CHST4: variants seen among roughly 807,000 people sequenced by gnomAD.
CHST4 encodes GST-3.
For synonymous variants in CHST4, 171 were observed against 195.5 expected (o/e 0.87, Z 1.05); for missense variants, 466 against 506.0 (o/e 0.92, Z 0.76).
chr16:71,531,234 C>G (rs796066755), intron 1 of CHST4, among the ~76,000 whole-genome samples: 1 of 152,152 alleles, frequency 6.6e-6, no homozygotes, highest in Non-Finnish European at 1.5e-5. Context: ...ATTGAAGAGT[C>G]TCCTTCCATG....
intron 1 of CHST4, among the ~76,000 whole-genome samples, chr16:71,532,585 G>A (rs2043956838): frequency 6.6e-6 from 1 of 152,120 alleles, no homozygotes; most frequent in Admixed American, 6.6e-5. Flanking sequence ...AAGGTTCAGG[G>A]GACTTCCAAG....
rs1011092943 is a variant in CHST4 at position 71,538,041 on chromosome 16, G to A, written c.*203G>A. On this transcript the variant is annotated 3_prime_UTR_variant, in exon 2 of 2. Transcript: ENST00000539698. Reference sequence around the variant, plus strand: ...GAAAACAGACTGGGGAACCTTATGTGAGCAGCACATCCCACCAGTGAAACA... The same window carrying A: ...GAAAACAGACTGGGGAACCTTATGTAAGCAGCACATCCCACCAGTGAAACA... The A allele has an allele frequency of 3.0e-5, 18 of 601,726 alleles. No individual in the cohort carries two copies. Among genetic ancestry groups the A allele is most frequent in the Non-Finnish European group, 4.8e-5 (16 of 332,922 alleles). The allele number at this position is 601,726 out of a possible 1,614,324, so 37.3% of individuals were successfully genotyped here. A position where few individuals can be genotyped will look rare whatever the true frequency, so the allele number is the denominator to read the frequency against.
At chr16:71,536,630 A>G in intron 1 of CHST4, 30 bp from the exon 2 acceptor site, 1 of 1,366,456 alleles carries the variant, frequency 7.3e-7, no homozygotes, top group Non-Finnish European at 9.5e-7. Flanking sequence ...ACAGCAGCCC[A>G]ACTCCACCCT....
intron 1 of CHST4, among the ~76,000 whole-genome samples, chr16:71,528,308 G>A (rs546095166): frequency 1.6e-4 from 25 of 152,022 alleles, no homozygotes; most frequent in South Asian, 1.5e-3. Flanking sequence ...AGATGGTTGG[G>A]GGGCCTTAGA....
intron 1 of CHST4, among the ~76,000 whole-genome samples, chr16:71,529,174 AC>A (rs1313878174): frequency 2.0e-5 from 3 of 150,178 alleles, no homozygotes; most frequent in African/African-American, 7.3e-5. Flanking sequence ...GTAGCCTATC[AC>A]CCAGCAATGA....
intron 1 of CHST4, 116 bp downstream of exon 1, chr16:71,526,611 G>T (rs989305115): frequency 1.5e-4 from 23 of 152,258 alleles, no homozygotes; most frequent in East Asian, 1.2e-3. Context: ...GGCGAAGGCG[G>T]TTTGCGCAGA....
intron 1 of CHST4, among the ~76,000 whole-genome samples, chr16:71,535,601 C>T (rs1165385461): frequency 1.3e-5 from 2 of 152,030 alleles, no homozygotes; most frequent in East Asian, 3.8e-4. Flanking sequence ...TGCCCAACTG[C>T]ACTGAGCTGC....
intron 1 of CHST4, among the ~76,000 whole-genome samples, chr16:71,530,806 C>T (rs141151870): frequency 2.1e-4 from 29 of 140,240 alleles, no homozygotes; most frequent in Non-Finnish European, 4.2e-4. Context: ...TTGGGCCAGG[C>T]GTGGTGGCTC....
intron 1 of CHST4, among the ~76,000 whole-genome samples, chr16:71,527,483 G>A (rs1176856653): frequency 2.0e-5 from 3 of 152,102 alleles, no homozygotes; most frequent in African/African-American, 4.8e-5. Flanking sequence ...GCGATGGCTC[G>A]CGCCTGTAAT....
At position 71,538,544 on chromosome 16, in the gene CHST4, C is replaced by T. The variant is rs2044011301; in HGVS notation, c.*706C>T. 1 of 167,050 alleles carries T rather than the reference C, an allele frequency of 6.0e-6. No individual in the cohort carries two copies. The highest frequency in any genetic ancestry group is 6.5e-5 in the Admixed American group (1 of 15,290). 10.3% of individuals were successfully genotyped at this position (167,050 alleles called of 1,614,324 possible). A position where few individuals can be genotyped will look rare whatever the true frequency, so the allele number is the denominator to read the frequency against. On this transcript the variant is annotated 3_prime_UTR_variant, in exon 2 of 2. Coordinates refer to ENST00000539698, the MANE Select transcript of CHST4 (RefSeq NM_001166395.2). The stretch of plus-strand genomic sequence containing the variant: ...GTTTAGAATGTCCCTTTTTATGCTT[C>T]TTAATTATTAGCAGTAAATGTTCAT...
In CHST4 at chr16:71,536,893, G is replaced by A; in HGVS notation, c.216G>A (p.Met72Ile). ...AGCACCCAGATGTTTTCTACCTGAT[G>A]GAGCCCGCCTGGCACGTGTGGATGA... ...FGQHPDVFYLMEPAWHVWMTF... is the reference protein window; with the variant it reads ...FGQHPDVFYLIEPAWHVWMTF... Residue 72 changes from methionine to isoleucine, a missense_variant, in exon 2 of 2, where the codon ATG becomes ATA. Coordinates refer to ENST00000539698, the MANE Select transcript of CHST4 (RefSeq NM_001166395.2). 1.3e-6 allele frequency: 2 copies of A among 1,589,940 alleles called. No homozygotes were observed. Among genetic ancestry groups the A allele is most frequent in the Non-Finnish European group, 1.7e-6 (2 of 1,167,340 alleles).
At chr16:71,528,059 T>C (rs530956531) in intron 1 of CHST4, among the ~76,000 whole-genome samples, 6 of 152,008 alleles carry the variant, frequency 3.9e-5, no homozygotes, top group Non-Finnish European at 7.4e-5. Flanking sequence ...TGAGGTCACT[T>C]GAGGTCAGGA....
chr16:71,532,677 A>G (rs1199972965), intron 1 of CHST4, among the ~76,000 whole-genome samples: 2 of 152,120 alleles, frequency 1.3e-5, no homozygotes, highest in African/African-American at 2.4e-5. Flanking sequence ...TGGCTACCCA[A>G]TTTCTCTCCT....
chr16:71,526,387 C>G (rs2043907520), upstream of CHST4: 1 of 152,116 alleles, frequency 6.6e-6, no homozygotes, highest in Non-Finnish European at 1.5e-5. Flanking sequence ...TATGCAAAAG[C>G]AAGTAGGAGG....
In CHST4 at chr16:71,537,640, C is replaced by T; in HGVS notation, c.963C>T (p.His321=). Reference sequence around the variant, plus strand: ...AGGGCATGGGTGACCACGCTTTCCACACAAATGCCAGGGATGCCCTTAATG... The same window carrying T: ...AGGGCATGGGTGACCACGCTTTCCATACAAATGCCAGGGATGCCCTTAATG... ...RGKGMGDHAF[H]TNARDALNVS... The change falls in exon 2 of 2, where the codon CAC becomes CAT. Residue 321 remains histidine (H), a synonymous_variant. Transcript: ENST00000539698. The surrounding 1 kb of genome is among the most constrained non-coding windows in gnomAD (Gnocchi z 4.2). 6.2e-7 allele frequency: 1 copy of T among 1,614,194 alleles called. No individual in the cohort carries two copies.
chr16:71,531,707 G>C (rs1313557137), intron 1 of CHST4, among the ~76,000 whole-genome samples: 1 of 152,152 alleles, frequency 6.6e-6, no homozygotes, highest in East Asian at 1.9e-4. Flanking sequence ...GTGTCACTTT[G>C]AAAGGTCTAT....
intron 1 of CHST4, among the ~76,000 whole-genome samples, chr16:71,532,229 A>G (rs948120000): frequency 4.0e-5 from 6 of 151,848 alleles, no homozygotes; most frequent in Non-Finnish European, 5.9e-5. Flanking sequence ...TTGTATTTTT[A>G]GTAGAGACGG....
intron 1 of CHST4, among the ~76,000 whole-genome samples, chr16:71,531,079 T>TA (rs1438879717): frequency 6.6e-6 from 1 of 151,556 alleles, no homozygotes; most frequent in African/African-American, 2.4e-5. Flanking sequence ...AATAGTAATT[T>TA]AAAAAAAATG....
chr16:71,526,618 C>A (rs1462198568), intron 1 of CHST4, 123 bp downstream of exon 1: 1 of 152,152 alleles, frequency 6.6e-6, no homozygotes, highest in Non-Finnish European at 1.5e-5. Context: ...GCGGTTTGCG[C>A]AGAGGGGATA....
Sources: gnomAD v4.1 joint callset for allele counts (sites outside exome capture counted in the v4.1 genomes callset) on GRCh38, gnomAD v4.1.1 for gene constraint, Gnocchi (gnomAD v3.1) non-coding constraint, MANE v1.5 for transcripts, NCBI Gene and HGNC (gene_info 2026-07-23, HGNC 2026-07-21) for gene names.